Variants in NEK8 observed in about 807,000 individuals in gnomAD.
The protein encoded by NEK8 is NIMA related kinase 8.
A neutral mutation model predicts 77.2 loss-of-function variants in NEK8; 51 were observed. That is an observed-to-expected ratio of 0.66 (90% CI 0.53 to 0.83). The LOEUF (loss-of-function observed/expected upper bound fraction) is 0.83. Ranked by LOEUF, NEK8 falls within the 40% of genes least tolerant of loss-of-function variation. The pLI is 0.00. For synonymous variants in NEK8, 365 were observed against 363.2 expected, an observed-to-expected ratio of 1.00 and a Z score of -0.06; for missense variants, 787 against 909.2, an observed-to-expected ratio of 0.87 and a Z score of 1.73.
intron 2 of NEK8, chr17:28,734,491 C>T (rs1222463861): frequency 5.4e-5 from 30 of 555,800 alleles, no homozygotes; most frequent in Admixed American, 6.3e-5. Flanking sequence ...CTGTTTAACA[C>T]GGGGAAACCC....
At chr17:28,730,175 A>T (rs1275534850) in intron 1 of NEK8, among the ~76,000 whole-genome samples, 1 of 151,782 alleles carries the variant, frequency 6.6e-6, no homozygotes, top group East Asian at 1.9e-4. Context: ...TGTAGTGGCA[A>T]TCTCAGTTCA....
rs771639070 is a variant in NEK8, at chr17:28,741,272, T to G, written c.1891+36T>G. 6.3e-7 allele frequency: 1 copy of G among 1,577,230 alleles called. No homozygotes were observed. Among genetic ancestry groups the G allele is most frequent in the Non-Finnish European group, 8.6e-7 (1 of 1,157,974 alleles). ...AGCATGGTGGGGGCAGACAGTGCCA[T>G]GAGCAGTGGGGGGTGGGGGTTGCTA... On this transcript the variant is annotated intron_variant, in intron 13 of 14. Transcript: ENST00000268766. The surrounding 1 kb of genome is among the most constrained non-coding windows in gnomAD (Gnocchi z 4.5).
In NEK8 at chr17:28,728,869, G is replaced by C; in HGVS notation, c.47+9G>C. 1 of 1,549,006 alleles carries C rather than the reference G, an allele frequency of 6.5e-7. No homozygotes were observed. The highest frequency in any genetic ancestry group is 8.7e-7 in the Non-Finnish European group (1 of 1,144,584). ...GGGAGAGGTGCCTTCGGGTGAGCCA[G>C]GGCTCTGGGGGAGGAAACTGCTAGG... On this transcript the variant is annotated intron_variant, in intron 1 of 14. Transcript: ENST00000268766.
chr17:28,737,975 G>T lies in NEK8; in HGVS notation c.1046G>T (p.Arg349Leu), dbSNP rs140363905. Residue 349 changes from arginine to leucine, a missense_variant, in exon 7 of 15, where the codon CGC becomes CTC. Transcript: ENST00000268766. This position sits in a 1 kb window ranked among gnomAD's most constrained non-coding sequence, Gnocchi z 4.8. ...AGRTQKAGVTRSGRLILWEAP... is the reference protein window; with the variant it reads ...AGRTQKAGVTLSGRLILWEAP... ...CGCACGCAGAAAGCCGGCGTCACGC[G>T]CTCTGGGCGTCTCATCCTGTGGGAG... The T allele has an allele frequency of 1.5e-5, 24 of 1,611,792 alleles. No individual in the cohort carries two copies. The African/African-American group carries it at 3.2e-4, about 22-fold the overall frequency.
Position 28,733,973 on chromosome 17 carries a change from G to C in NEK8, c.48-10G>C, listed in dbSNP as rs769058088. 2 of 1,613,494 alleles carry C rather than the reference G, an allele frequency of 1.2e-6. No homozygotes were observed. Among genetic ancestry groups the C allele is most frequent in the Non-Finnish European group, 8.5e-7 (1 of 1,179,600 alleles). On this transcript the variant is annotated splice_polypyrimidine_tract_variant and intron_variant, in intron 1 of 14. Transcript: ENST00000268766. ...AGCTGGTAACCTGTCCCTGTCCTCC[G>C]TATCCCTAGGATTGTGCACCTGTGC...
chr17:28,732,271 TAGTG>T (rs2151731007), intron 1 of NEK8, among the ~76,000 whole-genome samples: 1 of 151,856 alleles, frequency 6.6e-6, no homozygotes, highest in South Asian at 2.1e-4. Context: ...CTGGCCAACA[TAGTG>T]AGACCCATAT....
intron 9 of NEK8, 110 bp from the exon 10 acceptor site, chr17:28,738,974 A>G: frequency 1.1e-6 from 1 of 914,742 alleles, no homozygotes. Flanking sequence ...TTAAAGACAC[A>G]GCCACCTCCT....
rs1441747207 is a variant in NEK8 at position 28,742,680 on chromosome 17, C to T, written c.*693C>T. 3.9e-5 allele frequency: 6 copies of T among 154,780 alleles called. No homozygotes were observed. The highest frequency in any genetic ancestry group is 1.2e-4 in the African/African-American group (5 of 41,466). 9.6% of individuals were successfully genotyped at this position (154,780 alleles called of 1,614,324 possible). ...GTGGCTCACACCTGCATAGGCAGTG[C>T]TTTGGCCAGGAGGATCCCTTGATCC... On this transcript the variant is annotated 3_prime_UTR_variant, in exon 15 of 15. Transcript: ENST00000268766.
chr17:28,738,069 C>G, intron 7 of NEK8, 26 bp from the exon 8 acceptor site: 2 of 1,612,526 alleles, frequency 1.2e-6, no homozygotes, highest in Non-Finnish European at 1.7e-6. Context: ...GGTGCTCAGG[C>G]GCTGCCCATC....
chr17:28,738,992 T>G lies in NEK8; in HGVS notation c.1300-92T>G, dbSNP rs1180245787. 4 of 966,196 alleles carry G rather than the reference T, an allele frequency of 4.1e-6. No homozygotes were observed. The East Asian group carries it at 9.5e-5, about 23-fold the overall frequency. 59.9% of individuals were successfully genotyped at this position (966,196 alleles called of 1,614,324 possible). A position where few individuals can be genotyped will look rare whatever the true frequency, so the allele number is the denominator to read the frequency against. The stretch of plus-strand genomic sequence containing the variant: ...AAGACACAGCCACCTCCTGAGAATG[T>G]GTAGCCTCCAGCTTTGTCCCTACAG... On this transcript the variant is annotated intron_variant, in intron 9 of 14. Transcript: ENST00000268766.
chr17:28,741,130 C>CA lies in NEK8; in HGVS notation c.1787dup (p.Asn596LysfsTer11), dbSNP rs762774152. The stretch of plus-strand genomic sequence containing the variant: ...GCAATCAGCACGGACAGTTGGGCAC[C>CA]AATACTCGCCGAGGCAGTCGGGCAC... On this transcript the variant is annotated frameshift_variant, in exon 13 of 15. Coordinates refer to ENST00000268766, the MANE Select transcript of NEK8 (RefSeq NM_178170.3). LOFTEE classifies it high-confidence loss of function. This position sits in a 1 kb window ranked among gnomAD's most constrained non-coding sequence, Gnocchi z 4.5. 1 of 1,614,138 alleles carries CA rather than the reference C, an allele frequency of 6.2e-7. No homozygotes were observed. The highest frequency in any genetic ancestry group is 1.1e-5 in the South Asian group (1 of 91,090).
chr17:28,742,024 C>T lies in NEK8; in HGVS notation c.*37C>T, dbSNP rs549334189. The T allele has an allele frequency of 1.2e-5, 19 of 1,605,554 alleles. No individual in the cohort carries two copies. The African/African-American group carries it at 2.1e-4, about 18-fold the overall frequency. Reference sequence around the variant, plus strand: ...TCACCTCTGGACCACCCTGATATTGCTTCTCCTCTGAATGCTCTGAAAAGT... The same window carrying T: ...TCACCTCTGGACCACCCTGATATTGTTTCTCCTCTGAATGCTCTGAAAAGT... On this transcript the variant is annotated 3_prime_UTR_variant, in exon 15 of 15. Coordinates refer to ENST00000268766, the MANE Select transcript of NEK8 (RefSeq NM_178170.3).
chr17:28,737,791 T>C lies in NEK8; in HGVS notation c.890-28T>C. On this transcript the variant is annotated intron_variant, in intron 6 of 14. Coordinates refer to ENST00000268766, the MANE Select transcript of NEK8 (RefSeq NM_178170.3). The surrounding 1 kb of genome is among the most constrained non-coding windows in gnomAD (Gnocchi z 4.8). The stretch of plus-strand genomic sequence containing the variant: ...GGATGCCACACCATTCCCATCAGTT[T>C]AATAGTCCCCATGCACTGTACCTGC... The C allele has an allele frequency of 6.2e-7, 1 of 1,614,034 alleles. No homozygotes were observed. Among genetic ancestry groups the C allele is most frequent in the Non-Finnish European group, 8.5e-7 (1 of 1,179,978 alleles).
chr17:28,734,826 A>G lies in NEK8; in HGVS notation c.308A>G (p.Glu103Gly). ...CGCTGTAATTCCCTGCTGGAGGAGGAGACCATCCTGCACTTCTTCGTGCAG... is the reference window on the plus strand; with the variant it reads ...CGCTGTAATTCCCTGCTGGAGGAGGGGACCATCCTGCACTTCTTCGTGCAG... ...QKRCNSLLEE[E>G]TILHFFVQIL... is the part of the protein sequence containing the mutation. The change falls in exon 3 of 15, where the codon GAG (glutamate) becomes GGG (glycine). Residue 103 changes from glutamate to glycine, a missense_variant. By Grantham distance (98) the Glu-to-Gly change is moderately conservative. Transcript: ENST00000268766. The G allele has an allele frequency of 6.2e-7, 1 of 1,613,816 alleles. No homozygotes were observed. The highest frequency in any genetic ancestry group is 8.5e-7 in the Non-Finnish European group (1 of 1,180,022).
At chr17:28,736,284 A>T (rs1189922992) in intron 4 of NEK8, among the ~76,000 whole-genome samples, 1 of 152,190 alleles carries the variant, frequency 6.6e-6, no homozygotes, top group Non-Finnish European at 1.5e-5. Context: ...CTTTGGGTAT[A>T]CACCCAGTAA....
intron 9 of NEK8, 149 bp downstream of exon 9, chr17:28,738,896 A>C: frequency 1.2e-6 from 1 of 828,180 alleles, no homozygotes; most frequent in Non-Finnish European, 2.1e-6. Context: ...GGCCACCTAC[A>C]TCGGGGAAAG....
Position 28,735,008 on chromosome 17 carries a change from C to A in NEK8, c.486+4C>A. On this transcript the variant is annotated splice_donor_region_variant and intron_variant, in intron 3 of 14. Coordinates refer to ENST00000268766, the MANE Select transcript of NEK8 (RefSeq NM_178170.3). Reference sequence around the variant, plus strand: ...CAGCAAGAGCAAGGCCTACACGGTGCCTGGGCATGGAAGGGACCTCCAGGG... The same window carrying A: ...CAGCAAGAGCAAGGCCTACACGGTGACTGGGCATGGAAGGGACCTCCAGGG... 1.2e-6 allele frequency: 2 copies of A among 1,605,428 alleles called. No individual in the cohort carries two copies. Among genetic ancestry groups the A allele is most frequent in the Non-Finnish European group, 1.7e-6 (2 of 1,174,842 alleles).
rs2151734397 is a variant in NEK8 at position 28,741,887 on chromosome 17, T to C, written c.2051-72T>C. The stretch of plus-strand genomic sequence containing the variant: ...TCCAGAATCCAGGGCCCAGTGGGAG[T>C]GGGAGGTGGGTGATGATTTCTGGAG... On this transcript the variant is annotated intron_variant, in intron 14 of 14. Transcript: ENST00000268766. The surrounding 1 kb of genome is among the most constrained non-coding windows in gnomAD (Gnocchi z 4.5). 6.7e-7 allele frequency: 1 copy of C among 1,494,356 alleles called. No homozygotes were observed. Among genetic ancestry groups the C allele is most frequent in the Non-Finnish European group, 9.3e-7 (1 of 1,071,180 alleles). The allele number at this position is 1,494,356 out of a possible 1,614,324, so 92.6% of individuals were successfully genotyped here.
intron 8 of NEK8, 39 bp downstream of exon 8, chr17:28,738,284 G>GC: frequency 6.2e-7 from 1 of 1,612,250 alleles, no homozygotes; most frequent in Non-Finnish European, 8.5e-7. Context: ...CTGCTCTGAG[G>GC]CCCCACAGAG....
Sources: allele counts gnomAD v4.1 joint callset (sites outside exome capture counted in the v4.1 genomes callset), GRCh38; gene constraint gnomAD v4.1.1; non-coding constraint Gnocchi (gnomAD v3.1); transcripts MANE v1.5; gene names NCBI Gene and HGNC (gene_info 2026-07-23, HGNC 2026-07-21).